The following GDPD4 variants were observed in gnomAD, a reference collection of about 807,000 sequenced individuals.
GDPD4 encodes the protein glycerophosphodiester phosphodiesterase domain containing 4.
In GDPD4, 60 loss-of-function variants were observed where a neutral mutation model predicts 67.8. The observed-to-expected ratio is 0.88, with a 90% CI of 0.72 to 1.10. GDPD4 has a LOEUF of 1.10. GDPD4 is among the 50% of genes least tolerant of loss of function. GDPD4 has a pLI of 0.00. For synonymous variants in GDPD4, 212 were observed against 210.9 expected (o/e 1.00, Z -0.04); for missense variants, 623 against 613.9 (o/e 1.01, Z -0.16).
chr11:77,270,361 A>G (rs1959204336), intron 7 of GDPD4, among the ~76,000 whole-genome samples: 1 of 152,236 alleles, frequency 6.6e-6, no homozygotes, highest in South Asian at 2.1e-4. Flanking sequence ...ACATGGTCTC[A>G]CAGGGGACTG....
chr11:77,239,947 G>A (rs1180963611), intron 13 of GDPD4, among the ~76,000 whole-genome samples: 3 of 144,614 alleles, frequency 2.1e-5, no homozygotes, highest in Admixed American at 7.0e-5. Context: ...AGATGACGGA[G>A]CAAGACTGCC....
intron 1 of GDPD4, among the ~76,000 whole-genome samples, chr11:77,296,017 C>T (rs944149756): frequency 2.6e-5 from 4 of 151,882 alleles, no homozygotes; most frequent in South Asian, 2.1e-4. Flanking sequence ...TTTGGGAGGC[C>T]GAGGCGGGCA....
chr11:77,277,548 G>A (rs1468767953), intron 4 of GDPD4, among the ~76,000 whole-genome samples: 16 of 151,244 alleles, frequency 1.1e-4, no homozygotes, highest in Admixed American at 8.5e-4. Context: ...GACTATGGGC[G>A]CCCGCCACCA....
intron 16 of GDPD4, among the ~76,000 whole-genome samples, chr11:77,217,989 T>TATTA (rs146038044): frequency 1.3e-5 from 2 of 151,974 alleles, no homozygotes; most frequent in African/African-American, 2.4e-5. Flanking sequence ...CTTTTATTTT[T>TATTA]ATTAATTAAT....
chr11:77,267,007 C>A (rs1439233913), intron 10 of GDPD4, among the ~76,000 whole-genome samples: 4 of 152,212 alleles, frequency 2.6e-5, no homozygotes, highest in Non-Finnish European at 5.9e-5. Flanking sequence ...CACTCACTCA[C>A]TGACTCACCC....
chr11:77,234,949 T>C (rs1057110408), intron 13 of GDPD4, among the ~76,000 whole-genome samples: 1 of 150,916 alleles, frequency 6.6e-6, no homozygotes, highest in Non-Finnish European at 1.5e-5. Flanking sequence ...GCTGAACTAA[T>C]TTACATTCCC....
Position 77,285,098 on chromosome 11 carries a change from A to G in GDPD4, c.40T>C (p.Phe14Leu). ...AGTGAAACTCACCAGTCAAAGTTAA[A>G]GTATTCACTGGATGTTTCTATCCAC... ...FLWIETSSEYFNFDWVTFLGT... is the reference protein window; with the variant it reads ...FLWIETSSEYLNFDWVTFLGT... The change falls in exon 3 of 17, where the codon TTT (phenylalanine) becomes CTT (leucine). Residue 14 changes from phenylalanine to leucine, a missense_variant. Phe to Leu is a conservative substitution (Grantham distance 22). Coordinates refer to ENST00000315938, the MANE Select transcript of GDPD4 (RefSeq NM_182833.3). The G allele has an allele frequency of 1.9e-6, 3 of 1,611,972 alleles. No individual in the cohort carries two copies. Among genetic ancestry groups the G allele is most frequent in the Non-Finnish European group, 2.5e-6 (3 of 1,178,260 alleles).
At chr11:77,230,995 G>A (rs1185928519) in intron 14 of GDPD4, among the ~76,000 whole-genome samples, 2 of 152,238 alleles carry the variant, frequency 1.3e-5, no homozygotes, top group East Asian at 1.9e-4. Flanking sequence ...GATGAGCGAC[G>A]ACACGAAGAG....
At chr11:77,248,354 G>A (rs1233719920) in intron 11 of GDPD4, among the ~76,000 whole-genome samples, 2 of 149,914 alleles carry the variant, frequency 1.3e-5, no homozygotes, top group Admixed American at 6.6e-5. Context: ...AGGCATGCAC[G>A]ATGACGCCCA....
At chr11:77,276,411 CT>C (rs1322357178) in intron 4 of GDPD4, among the ~76,000 whole-genome samples, 191 bp from the exon 5 acceptor site, 1 of 152,164 alleles carries the variant, frequency 6.6e-6, no homozygotes, top group African/African-American at 2.4e-5. Flanking sequence ...CCCTATGCCA[CT>C]GACTCTTCAA....
intron 11 of GDPD4, among the ~76,000 whole-genome samples, chr11:77,257,552 TACACACACACACACACACACAC>T (rs71043563): frequency 7.4e-6 from 1 of 134,266 alleles, no homozygotes; most frequent in Non-Finnish European, 1.6e-5. Context: ...CTCCCTCTCC[TACACACACACACACACACACAC>T]ACACACACAC....
intron 16 of GDPD4, among the ~76,000 whole-genome samples, chr11:77,217,571 T>C (rs1958148625): frequency 6.6e-6 from 1 of 152,242 alleles, no homozygotes; most frequent in Non-Finnish European, 1.5e-5. Flanking sequence ...AAGCAGAGAC[T>C]GACATTTGCT....
chr11:77,260,644 T>C (rs1365288386), intron 10 of GDPD4, among the ~76,000 whole-genome samples: 1 of 152,046 alleles, frequency 6.6e-6, no homozygotes, highest in African/African-American at 2.4e-5. Flanking sequence ...TGTTAAACAG[T>C]GTAGAACAAA....
intron 10 of GDPD4, among the ~76,000 whole-genome samples, 171 bp downstream of exon 10, chr11:77,268,286 G>T (rs1040689369): frequency 6.6e-6 from 1 of 152,074 alleles, no homozygotes; most frequent in Non-Finnish European, 1.5e-5. Context: ...AGATGCAGAG[G>T]TGCGGTTTGT....
At chr11:77,250,655 T>G (rs1958873630) in intron 11 of GDPD4, among the ~76,000 whole-genome samples, 1 of 152,214 alleles carries the variant, frequency 6.6e-6, no homozygotes, top group Non-Finnish European at 1.5e-5. Context: ...TATGAAGTAT[T>G]CTGTAATTGT....
Position 77,269,067 on chromosome 11 carries a change from G to T in GDPD4, c.481C>A (p.Leu161Ile). ...AAGGGTAATCCAACAGGCACTTGTAGACCTGAAAAATTTGAAAGGAAGGGG... is the reference window on the plus strand; with the variant it reads ...AAGGGTAATCCAACAGGCACTTGTATACCTGAAAAATTTGAAAGGAAGGGG... The part of the protein sequence containing the change: ...QCNVITRLRG[L>I]QVPVGLPFLL... The change falls in exon 9 of 17, where the codon CTA (leucine) becomes ATA (isoleucine). Residue 161 changes from leucine (L) to isoleucine (I), a missense_variant and splice_region_variant. Leu to Ile is a conservative substitution (Grantham distance 5). Transcript: ENST00000315938. 3 of 1,612,156 alleles carry T rather than the reference G, an allele frequency of 1.9e-6. No homozygotes were observed. Among genetic ancestry groups the T allele is most frequent in the South Asian group, 1.1e-5 (1 of 90,824 alleles).
At chr11:77,269,420 A>C (rs969953989) in intron 8 of GDPD4, among the ~76,000 whole-genome samples, 2 of 152,132 alleles carry the variant, frequency 1.3e-5, no homozygotes, top group Admixed American at 1.3e-4. Context: ...GATTCTAAGA[A>C]AGCCCCAGAG....
intron 1 of GDPD4, among the ~76,000 whole-genome samples, chr11:77,293,898 A>T (rs948972256): frequency 2.6e-5 from 4 of 152,238 alleles, no homozygotes; most frequent in Admixed American, 6.5e-5. Flanking sequence ...TTGTACTGGC[A>T]GTCCTAGCCA....
chr11:77,222,312 A>C (rs1260608089), intron 16 of GDPD4, among the ~76,000 whole-genome samples: 1 of 152,150 alleles, frequency 6.6e-6, no homozygotes, highest in Non-Finnish European at 1.5e-5. Context: ...GTTTCTTCCT[A>C]GCTTTGACGG....
Sources: allele counts gnomAD v4.1 joint callset (sites outside exome capture counted in the v4.1 genomes callset), GRCh38; gene constraint gnomAD v4.1.1; transcripts MANE v1.5; gene names NCBI Gene and HGNC (gene_info 2026-07-23, HGNC 2026-07-21).